Variants in QRICH1 observed in about 807,000 individuals in gnomAD.
QRICH1 encodes transcriptional regulator QRICH1.
In QRICH1, 16 loss-of-function variants were observed where a neutral mutation model predicts 87.1. That is an observed-to-expected ratio of 0.18 (90% confidence interval 0.12 to 0.28). The LOEUF (loss-of-function observed/expected upper bound fraction) is 0.28. QRICH1 is among the 10% of genes least tolerant of loss of function. The pLI is 1.00. For synonymous variants in QRICH1, 367 were observed against 368.4 expected, an observed-to-expected ratio of 1.00 and a Z score of 0.05; for missense variants, 647 against 951.7, an observed-to-expected ratio of 0.68 and a Z score of 4.21.
At chr3:49,039,618 CAAAAAAAAAAAAAA>C (rs899570014) in intron 6 of QRICH1, among the ~76,000 whole-genome samples, 1 of 16,352 alleles carries the variant, frequency 6.1e-5, no homozygotes, top group Admixed American at 5.5e-4. Flanking sequence ...GACTCCATCT[CAAAAAAAAAAAAAA>C]AAAAAAAAAA....
intron 2 of QRICH1, among the ~76,000 whole-genome samples, chr3:49,068,519 G>A (rs538399223): frequency 6.6e-5 from 10 of 151,618 alleles, no homozygotes; most frequent in African/African-American, 2.4e-4. Context: ...AAGCTACTCA[G>A]GAGACTGAAG....
intron 3 of QRICH1, among the ~76,000 whole-genome samples, chr3:49,052,739 G>A (rs557818671): frequency 1.2e-4 from 18 of 152,008 alleles, no homozygotes; most frequent in Non-Finnish European, 2.9e-5. Flanking sequence ...TCCTGACCTC[G>A]TGATCCACCC....
At chr3:49,080,226 G>T (rs2042032106) in intron 1 of QRICH1, among the ~76,000 whole-genome samples, 1 of 152,034 alleles carries the variant, frequency 6.6e-6, no homozygotes, top group Non-Finnish European at 1.5e-5. Context: ...GAGCAGCAGA[G>T]GTCAGCTGGA....
At chr3:49,064,366 C>T (rs953387146) in intron 2 of QRICH1, among the ~76,000 whole-genome samples, 2 of 149,902 alleles carry the variant, frequency 1.3e-5, no homozygotes, top group South Asian at 2.1e-4. Flanking sequence ...CTCTGCCTCC[C>T]GAGTAGCTGG....
At chr3:49,086,147 T>A (rs1000774227) in intron 1 of QRICH1, among the ~76,000 whole-genome samples, 29 of 150,556 alleles carry the variant, frequency 1.9e-4, no homozygotes, top group East Asian at 5.8e-4. Context: ...AAAAAAAAAA[T>A]AAGTAACAAT....
intron 2 of QRICH1, among the ~76,000 whole-genome samples, chr3:49,062,674 T>C (rs911606567): frequency 7.3e-5 from 11 of 150,606 alleles, no homozygotes; most frequent in African/African-American, 1.9e-4. Flanking sequence ...ACATTTCAAA[T>C]GGGTAACTTA....
At chr3:49,036,790 C>G (rs1019131222) in intron 6 of QRICH1, among the ~76,000 whole-genome samples, 1 of 151,828 alleles carries the variant, frequency 6.6e-6, no homozygotes, top group Non-Finnish European at 1.5e-5. Context: ...GGGCCAGGAA[C>G]AGTGGCTCAT....
At chr3:49,039,428 C>T (rs917024423) in intron 6 of QRICH1, among the ~76,000 whole-genome samples, 4 of 151,728 alleles carry the variant, frequency 2.6e-5, no homozygotes, top group Non-Finnish European at 5.9e-5. Flanking sequence ...TGCCTGAAAT[C>T]CCAGCACTTC....
intron 2 of QRICH1, among the ~76,000 whole-genome samples, chr3:49,074,392 GA>G (rs1559949390): frequency 6.6e-6 from 1 of 151,670 alleles, no homozygotes. Context: ...CTAACATGGT[GA>G]AACCCCGTCT....
chr3:49,069,456 T>C (rs1490298586), intron 2 of QRICH1, among the ~76,000 whole-genome samples: 1 of 151,802 alleles, frequency 6.6e-6, no homozygotes, highest in Non-Finnish European at 1.5e-5. Context: ...ACTTATAACT[T>C]GCATTAATAG....
chr3:49,073,146 T>G (rs2041877539), intron 2 of QRICH1, among the ~76,000 whole-genome samples: 1 of 152,168 alleles, frequency 6.6e-6, no homozygotes, highest in Non-Finnish European at 1.5e-5. Context: ...TCCTATCCTC[T>G]TAGTATAAAA....
chr3:49,089,147 G>A (rs1411519970), intron 1 of QRICH1, among the ~76,000 whole-genome samples: 2 of 150,482 alleles, frequency 1.3e-5, no homozygotes, highest in Non-Finnish European at 2.9e-5. Flanking sequence ...TGCAACCTCC[G>A]CCTACAGGTT....
chr3:49,047,925 CGAAAAAA>C (rs1019333353), intron 3 of QRICH1, among the ~76,000 whole-genome samples: 20 of 150,846 alleles, frequency 1.3e-4, no homozygotes, highest in East Asian at 9.7e-4. Context: ...GACTCTGTCT[CGAAAAAA>C]GAAAAAAGAA....
chr3:49,064,305 T>G (rs1015524433), intron 2 of QRICH1, among the ~76,000 whole-genome samples: 2 of 145,518 alleles, frequency 1.4e-5, no homozygotes, highest in African/African-American at 5.1e-5. Flanking sequence ...TGCAGTGGTG[T>G]GATCTTGGAA....
intron 6 of QRICH1, among the ~76,000 whole-genome samples, chr3:49,039,910 A>G (rs2093300041): frequency 6.6e-6 from 1 of 152,004 alleles, no homozygotes; most frequent in African/African-American, 2.4e-5. Context: ...AAATACAAAA[A>G]AATTAGCTGG....
chr3:49,087,404 T>G (rs1348966056), intron 1 of QRICH1, among the ~76,000 whole-genome samples: 1 of 148,796 alleles, frequency 6.7e-6, no homozygotes, highest in East Asian at 2.0e-4. Context: ...ATACAAAAAT[T>G]AGCCAGGTGT....
At chr3:49,056,234 A>G (rs544616004) in intron 3 of QRICH1, among the ~76,000 whole-genome samples, 43 of 152,244 alleles carry the variant, frequency 2.8e-4, no homozygotes, top group Admixed American at 5.2e-4. Context: ...TCGGCCTCCC[A>G]AAGTGCTGGG....
intron 5 of QRICH1, among the ~76,000 whole-genome samples, chr3:49,045,897 A>C (rs1159271778): frequency 6.8e-6 from 1 of 147,198 alleles, no homozygotes; most frequent in African/African-American, 2.5e-5. Context: ...CCTGGCTCTT[A>C]TTTTTTTTCT....
intron 6 of QRICH1, among the ~76,000 whole-genome samples, chr3:49,042,574 A>C (rs1391292597): frequency 6.6e-6 from 1 of 151,564 alleles, no homozygotes; most frequent in East Asian, 1.9e-4. Flanking sequence ...ACAGGTGAAA[A>C]GGTTTGTTTT....
Sources: allele counts gnomAD v4.1 joint callset (sites outside exome capture counted in the v4.1 genomes callset), GRCh38; gene constraint gnomAD v4.1.1; transcripts MANE v1.5; gene names NCBI Gene and HGNC (gene_info 2026-07-23, HGNC 2026-07-21).